Variants in SLC22A23 observed in about 807,000 individuals in gnomAD.
SLC22A23 encodes ion transporter protein.
Under a neutral mutation model 61.0 loss-of-function variants are expected in SLC22A23, and 26 were observed. That is an observed-to-expected ratio of 0.43 (90% confidence interval 0.31 to 0.59). The LOEUF is 0.59. SLC22A23 is among the 20% of genes least tolerant of loss of function. The probability of loss-of-function intolerance (pLI) is 0.11; values close to 1 mark genes in which losing one functional copy is unlikely to be tolerated. For missense variants in SLC22A23, 796 were observed against 934.7 expected (o/e 0.85, Z 1.94); for synonymous variants, 430 against 413.9 (o/e 1.04, Z -0.47).
chr6:3,450,451 C>T (rs1324174231), intron 1 of SLC22A23, among the ~76,000 whole-genome samples: 10 of 152,162 alleles, frequency 6.6e-5, no homozygotes, highest in Non-Finnish European at 1.0e-4. Flanking sequence ...GGAATACAGA[C>T]GTAAACCACC....
At chr6:3,378,317 C>T (rs1439459210) in intron 3 of SLC22A23, among the ~76,000 whole-genome samples, 1 of 152,128 alleles carries the variant, frequency 6.6e-6, no homozygotes, top group Non-Finnish European at 1.5e-5. Flanking sequence ...AGAACCAGGA[C>T]CGTTCTCCCA....
intron 3 of SLC22A23, among the ~76,000 whole-genome samples, chr6:3,392,528 A>C (rs1767730314): frequency 6.6e-6 from 1 of 152,244 alleles, no homozygotes; most frequent in South Asian, 2.1e-4. Context: ...ACAGGAAGCA[A>C]GAAGATCAGT....
chr6:3,335,946 G>A lies in SLC22A23; in HGVS notation c.914-11944C>T, dbSNP rs557755121. Among the ~76,000 whole-genome samples the A allele has an allele frequency of 3.0e-4, 45 of 152,162 alleles. No individual in the cohort carries two copies. In the South Asian group the frequency reaches 7.9e-3, roughly 27 times the overall value. ...CTACTAAAAATACAAAAAATTAGCC[G>A]GGCGCGGTGGCGGGCGCCTGTAGTC... On this transcript the variant is annotated intron_variant, in intron 3 of 9. Transcript: ENST00000406686.
intron 9 of SLC22A23, chr6:3,282,102 T>C: frequency 1.5e-6 from 1 of 662,428 alleles, no homozygotes; most frequent in Non-Finnish European, 2.7e-6. Context: ...CAACAAAATA[T>C]GCATAATCAT....
At chr6:3,404,649 C>T (rs1768667427) in intron 3 of SLC22A23, among the ~76,000 whole-genome samples, 1 of 152,176 alleles carries the variant, frequency 6.6e-6, no homozygotes, top group South Asian at 2.1e-4. Context: ...GCCTAACTGG[C>T]CACCACAGCA....
chr6:3,443,060 G>T (rs1175696162), intron 1 of SLC22A23, among the ~76,000 whole-genome samples: 1 of 152,148 alleles, frequency 6.6e-6, no homozygotes. Context: ...GCTGTTCCCT[G>T]GGAAAAGTAG....
chr6:3,381,557 A>G (rs1766952812), intron 3 of SLC22A23, among the ~76,000 whole-genome samples: 1 of 152,136 alleles, frequency 6.6e-6, no homozygotes, highest in African/African-American at 2.4e-5. Flanking sequence ...TGTCGCAGAG[A>G]AGAGTGGGGA....
intron 1 of SLC22A23, among the ~76,000 whole-genome samples, chr6:3,434,679 G>A (rs748515339): frequency 5.3e-5 from 8 of 152,130 alleles, no homozygotes; most frequent in South Asian, 2.1e-4. Context: ...GATGGATTGC[G>A]AGGAGCATCA....
chr6:3,420,489 T>G (rs923189758), intron 1 of SLC22A23, among the ~76,000 whole-genome samples: 2 of 152,058 alleles, frequency 1.3e-5, no homozygotes, highest in Non-Finnish European at 2.9e-5. Context: ...ATAAAAAAAT[T>G]GGAAGCAAAT....
chr6:3,279,195 A>G (rs1270296782), intron 9 of SLC22A23, among the ~76,000 whole-genome samples: 1 of 151,946 alleles, frequency 6.6e-6, no homozygotes, highest in Non-Finnish European at 1.5e-5. Flanking sequence ...TGTGGGAGCA[A>G]TTCTCTGGTT....
chr6:3,378,605 A>T (rs1766736530), intron 3 of SLC22A23, among the ~76,000 whole-genome samples: 1 of 148,800 alleles, frequency 6.7e-6, no homozygotes, highest in South Asian at 2.2e-4. Flanking sequence ...CCAGCCTTAG[A>T]TATGCCTCTG....
intron 3 of SLC22A23, among the ~76,000 whole-genome samples, chr6:3,354,492 C>T (rs1447196013): frequency 6.6e-6 from 1 of 152,180 alleles, no homozygotes. Flanking sequence ...TGGTCAGATC[C>T]ATCGATATAG....
At chr6:3,336,127 G>A (rs1299145335) in intron 3 of SLC22A23, among the ~76,000 whole-genome samples, 1 of 151,872 alleles carries the variant, frequency 6.6e-6, no homozygotes, top group East Asian at 1.9e-4. Flanking sequence ...TCTTCTCCTA[G>A]GAGTGCCTGC....
intron 3 of SLC22A23, among the ~76,000 whole-genome samples, chr6:3,389,268 C>CAAAA (rs61020784): frequency 9.2e-5 from 3 of 32,602 alleles, no homozygotes; most frequent in Non-Finnish European, 1.4e-4. Context: ...AACTCTGTCT[C>CAAAA]AAAAAAAAAA....
chr6:3,373,440 C>T (rs779975023), intron 3 of SLC22A23, among the ~76,000 whole-genome samples: 1 of 152,134 alleles, frequency 6.6e-6, no homozygotes, highest in Non-Finnish European at 1.5e-5. Flanking sequence ...GCTGTGGTTC[C>T]CAGTTATTCA....
At chr6:3,378,333 A>G (rs531557827) in intron 3 of SLC22A23, among the ~76,000 whole-genome samples, 1 of 152,310 alleles carries the variant, frequency 6.6e-6, no homozygotes, top group African/African-American at 2.4e-5. Flanking sequence ...TCCCAGGAAT[A>G]GAAGGGTGAA....
intron 3 of SLC22A23, among the ~76,000 whole-genome samples, chr6:3,389,120 T>C (rs984797367): frequency 3.3e-5 from 5 of 151,436 alleles, no homozygotes; most frequent in African/African-American, 1.2e-4. Context: ...ATATAAAAAT[T>C]AGCTGGGTGT....
intron 6 of SLC22A23, among the ~76,000 whole-genome samples, chr6:3,289,271 G>A (rs1760340370): frequency 6.6e-6 from 1 of 152,256 alleles, no homozygotes; most frequent in African/African-American, 2.4e-5. Flanking sequence ...GGCCGGTGAG[G>A]GCCCTGGGAG....
intron 3 of SLC22A23, among the ~76,000 whole-genome samples, chr6:3,366,147 G>A (rs897635598): frequency 2.6e-5 from 4 of 151,768 alleles, no homozygotes; most frequent in African/African-American, 4.8e-5. Flanking sequence ...TGGCTAACAT[G>A]GTGAAACCCT....
Sources: allele counts gnomAD v4.1 joint callset (sites outside exome capture counted in the v4.1 genomes callset), GRCh38; gene constraint gnomAD v4.1.1; transcripts MANE v1.5; gene names NCBI Gene and HGNC (gene_info 2026-07-23, HGNC 2026-07-21).